LRRC49: variants seen among roughly 807,000 people sequenced by gnomAD.
The protein encoded by LRRC49 is leucine rich repeat containing 49.
In LRRC49, 50 loss-of-function variants were observed where a neutral mutation model predicts 83.3. The ratio of observed to expected loss-of-function variants is 0.60; its 90% CI spans 0.48 to 0.76. LRRC49 has a LOEUF of 0.76. LRRC49 is among the 30% of genes least tolerant of loss of function. The pLI is 0.00. For synonymous variants in LRRC49, 286 were observed against 283.3 expected (o/e 1.01, Z -0.10); for missense variants, 704 against 809.1 (o/e 0.87, Z 1.58).
intron 2 of LRRC49, among the ~76,000 whole-genome samples, chr15:70,881,026 C>A (rs547099733): frequency 9.1e-4 from 139 of 152,232 alleles, no homozygotes; most frequent in Admixed American, 1.8e-3. Context: ...GAGTTTGAGA[C>A]CAGTCTGGGC....
At chr15:70,962,718 A>G (rs1003282217) in intron 8 of LRRC49, among the ~76,000 whole-genome samples, 20 of 152,184 alleles carry the variant, frequency 1.3e-4, no homozygotes, top group African/African-American at 2.2e-4. Flanking sequence ...CAAAATAGTA[A>G]AATTGTATTG....
rs141736520 is a variant in LRRC49 at position 70,917,449 on chromosome 15, T to G, written c.568-1601T>G. 9.8e-3 allele frequency among the ~76,000 whole-genome samples: 1,487 copies of G among 152,282 alleles called. 26 individuals carry two copies. The highest frequency in any genetic ancestry group is 0.033 in the African/African-American group (1,375 of 41,556). ...CTGAGCAGACATTGGGATAACCAGC[T>G]GTAGAGAGGACCAAAGTACTCTAGG... is the stretch of plus-strand genomic sequence containing the variant. On this transcript the variant is annotated intron_variant, in intron 6 of 15. Transcript: ENST00000260382.
chr15:70,893,613 A>G lies in LRRC49; in HGVS notation c.78A>G (p.Gln26=). The change falls in exon 2 of 16, where the codon CAA becomes CAG. Residue 26 remains glutamine (Q), a synonymous_variant. Transcript: ENST00000260382. ...NVNCGLHLVI[Q]TSSLPEKNKV... The stretch of plus-strand genomic sequence containing the variant: ...ACTGCGGGCTTCATCTGGTTATTCA[A>G]ACATCATCGCTTCCTGAAAAAAACA... 1.2e-6 allele frequency: 2 copies of G among 1,611,700 alleles called. No homozygotes were observed. Among genetic ancestry groups the G allele is most frequent in the East Asian group, 2.2e-5 (1 of 44,812 alleles).
intron 9 of LRRC49, among the ~76,000 whole-genome samples, chr15:70,978,272 G>C (rs1350776040): frequency 6.6e-6 from 1 of 152,162 alleles, no homozygotes; most frequent in Non-Finnish European, 1.5e-5. Flanking sequence ...TGTGATTTGG[G>C]ATCTTTGCTC....
chr15:70,901,359 C>T (rs1232067841), intron 4 of LRRC49, among the ~76,000 whole-genome samples: 2 of 152,248 alleles, frequency 1.3e-5, no homozygotes, highest in South Asian at 2.1e-4. Flanking sequence ...AGTCTAGTTT[C>T]CTGTTACTTC....
rs184255926 is a variant in LRRC49 at position 70,998,645 on chromosome 15, T to C, written c.1170-9734T>C. On this transcript the variant is annotated intron_variant, in intron 11 of 15. Transcript: ENST00000260382. ...TTGTCTTTCAGTAGTTTGATTATAA[T>C]GTGTCTTGGTGTGGATCTATGAGTT... is the stretch of plus-strand genomic sequence containing the variant. 2.0e-4 allele frequency among the ~76,000 whole-genome samples: 30 copies of C among 152,296 alleles called. No homozygotes were observed. In the East Asian group the frequency reaches 5.4e-3, roughly 27 times the overall value.
chr15:70,854,280 T>C (rs566412555), intron 1 of LRRC49: 44 of 197,284 alleles, frequency 2.2e-4, no homozygotes, highest in African/African-American at 1.0e-3. Flanking sequence ...CCCCGACCGC[T>C]AGTGGAGCGC....
chr15:70,946,130 A>T (rs2036000460), intron 8 of LRRC49, among the ~76,000 whole-genome samples: 1 of 152,198 alleles, frequency 6.6e-6, no homozygotes, highest in Non-Finnish European at 1.5e-5. Flanking sequence ...GAACATTTAA[A>T]GTCTTAGCAG....
chr15:70,928,656 C>T (rs1338805775), intron 7 of LRRC49, among the ~76,000 whole-genome samples: 1 of 152,134 alleles, frequency 6.6e-6, no homozygotes, highest in Non-Finnish European at 1.5e-5. Flanking sequence ...AGCTCCACCT[C>T]CCGGGTTCAA....
intron 8 of LRRC49, among the ~76,000 whole-genome samples, chr15:70,955,987 T>C (rs1196509296): frequency 6.6e-6 from 1 of 152,210 alleles, no homozygotes; most frequent in Admixed American, 6.5e-5. Context: ...ATAGTAACTA[T>C]TCAGAAAAAT....
chr15:70,983,238 T>A (rs903027337), intron 10 of LRRC49, among the ~76,000 whole-genome samples: 5 of 152,184 alleles, frequency 3.3e-5, no homozygotes, highest in Non-Finnish European at 7.3e-5. Flanking sequence ...TTTCTTTCAG[T>A]AGTCTAGATC....
At chr15:70,945,342 T>C (rs1404690444) in intron 8 of LRRC49, among the ~76,000 whole-genome samples, 1 of 152,192 alleles carries the variant, frequency 6.6e-6, no homozygotes, top group Non-Finnish European at 1.5e-5. Flanking sequence ...TCCAGTTTCA[T>C]AGTTGTTTAC....
intron 9 of LRRC49, among the ~76,000 whole-genome samples, chr15:70,971,818 T>G (rs1018366969): frequency 1.2e-4 from 8 of 68,228 alleles, no homozygotes; most frequent in African/African-American, 3.8e-4. Flanking sequence ...TTTTTTTTTT[T>G]GCTTTCCATT....
chr15:70,997,613 T>C (rs1253019801), intron 11 of LRRC49, among the ~76,000 whole-genome samples: 1 of 152,150 alleles, frequency 6.6e-6, no homozygotes, highest in African/African-American at 2.4e-5. Context: ...TAGCCAAGCG[T>C]GGTGGTGCAT....
At chr15:70,908,998 C>T (rs1171352098) in intron 5 of LRRC49, among the ~76,000 whole-genome samples, 1 of 152,154 alleles carries the variant, frequency 6.6e-6, no homozygotes, top group Non-Finnish European at 1.5e-5. Flanking sequence ...GCAGTCACAA[C>T]AGATAGGGAG....
At chr15:70,882,968 CA>C in intron 2 of LRRC49, 1 of 1,561,446 alleles carries the variant, frequency 6.4e-7, no homozygotes, top group Non-Finnish European at 8.7e-7. Context: ...TTTTATCTTT[CA>C]AAAGTTACAA....
exon 2 of LRRC49, chr15:70,873,125 T>C (rs1288171126): frequency 3.4e-6 from 4 of 1,174,974 alleles, no homozygotes; most frequent in African/African-American, 1.5e-5. Context: ...CCTCAAGTGA[T>C]CCACCCGCCT....
chr15:70,992,637 G>A (rs965928211), intron 11 of LRRC49, among the ~76,000 whole-genome samples: 4 of 152,192 alleles, frequency 2.6e-5, no homozygotes, highest in Admixed American at 2.6e-4. Context: ...TTGCTGAACA[G>A]CAAATGTCCA....
At chr15:70,983,944 C>A in intron 10 of LRRC49, 150 bp from the exon 11 acceptor site, 1 of 548,924 alleles carries the variant, frequency 1.8e-6, no homozygotes, top group South Asian at 2.9e-5. Context: ...CCTCTTGAAT[C>A]TTGTTTTAGA....
Sources: gnomAD v4.1 joint callset for allele counts (sites outside exome capture counted in the v4.1 genomes callset) on GRCh38, gnomAD v4.1.1 for gene constraint, MANE v1.5 for transcripts, NCBI Gene and HGNC (gene_info 2026-07-23, HGNC 2026-07-21) for gene names.